TFEC: variants seen among roughly 807,000 people sequenced by gnomAD.
The protein encoded by TFEC is class E basic helix-loop-helix protein 34.
TFEC carries 31 observed loss-of-function variants against 41.6 expected under a neutral mutation model. The ratio of observed to expected loss-of-function variants is 0.74; its 90% confidence interval spans 0.56 to 1.01. The LOEUF is 1.01. Ranked by LOEUF, TFEC falls within the 50% of genes least tolerant of loss-of-function variation. TFEC has a pLI of 0.00. For synonymous variants in TFEC, 143 were observed against 140.6 expected (o/e 1.02, Z -0.12); for missense variants, 402 against 404.1 (o/e 0.99, Z 0.04).
chr7:116,156,690 G>A (rs1462028609), intron 1 of TFEC, among the ~76,000 whole-genome samples: 1 of 152,098 alleles, frequency 6.6e-6, no homozygotes, highest in East Asian at 1.9e-4. Context: ...CTACAAATAT[G>A]CCATCTTCCA....
chr7:115,950,779 T>A, intron 6 of TFEC, 95 bp downstream of exon 6: 1 of 888,234 alleles, frequency 1.1e-6, no homozygotes, highest in East Asian at 2.7e-5. Flanking sequence ...CTGCTTAGTT[T>A]CCTAGTCATT....
chr7:115,998,402 A>C (rs1036482877), intron 1 of TFEC, among the ~76,000 whole-genome samples: 1 of 152,078 alleles, frequency 6.6e-6, no homozygotes, highest in Non-Finnish European at 1.5e-5. Flanking sequence ...AGACAGAAAT[A>C]AAGGAAAGAA....
At chr7:116,051,457 A>G (rs1796310750) in intron 3 of TFEC, among the ~76,000 whole-genome samples, 1 of 152,204 alleles carries the variant, frequency 6.6e-6, no homozygotes, top group African/African-American at 2.4e-5. Context: ...TCTTAGCACT[A>G]CACTACACCA....
At chr7:115,947,184 T>A (rs1791636228) in intron 6 of TFEC, among the ~76,000 whole-genome samples, 1 of 150,398 alleles carries the variant, frequency 6.6e-6, no homozygotes, top group Non-Finnish European at 1.5e-5. Flanking sequence ...GATTTTTTGT[T>A]CTTGTGATAG....
chr7:116,105,332 G>A (rs1304004871), intron 3 of TFEC, among the ~76,000 whole-genome samples: 5 of 152,158 alleles, frequency 3.3e-5, no homozygotes, highest in Admixed American at 1.3e-4. Flanking sequence ...TTTAATAAAA[G>A]TAAATGTTAA....
At position 116,052,046 on chromosome 7, in the gene TFEC, C is replaced by A. The variant is rs531853448; in HGVS notation, c.198+58662G>T. On this transcript the variant is annotated intron_variant, in intron 3 of 8. Transcript: ENST00000484212. ...AGAAATCAGAAGCATGGTTTTTAAA[C>A]GTTTTAACTTTGAGGTGCCTACTAG... Among the ~76,000 whole-genome samples, 3 of 150,804 alleles carry A rather than the reference C, an allele frequency of 2.0e-5. No homozygotes were observed. In the Admixed American group the frequency reaches 2.0e-4, roughly 10 times the overall value.
intron 3 of TFEC, among the ~76,000 whole-genome samples, chr7:116,040,558 G>C (rs948278438): frequency 1.3e-5 from 2 of 151,982 alleles, no homozygotes; most frequent in African/African-American, 4.8e-5. Flanking sequence ...AGCATTTTTA[G>C]TGCTCCATTT....
chr7:115,944,333 C>T (rs982200527), intron 6 of TFEC, among the ~76,000 whole-genome samples: 5 of 151,466 alleles, frequency 3.3e-5, no homozygotes, highest in African/African-American at 1.2e-4. Context: ...AGGACAACTA[C>T]TACATGTTGT....
intron 1 of TFEC, among the ~76,000 whole-genome samples, chr7:116,142,146 T>C (rs1035353189): frequency 1.3e-5 from 2 of 152,144 alleles, no homozygotes; most frequent in Non-Finnish European, 2.9e-5. Flanking sequence ...CAATTTTCTA[T>C]GATGAAAAGA....
intron 1 of TFEC, among the ~76,000 whole-genome samples, chr7:116,132,803 G>C (rs1353214788): frequency 6.6e-6 from 1 of 152,188 alleles, no homozygotes; most frequent in Admixed American, 6.5e-5. Flanking sequence ...ATATTAGTTA[G>C]CTGGAAAAAA....
chr7:115,963,787 A>C (rs1792695455), intron 3 of TFEC, among the ~76,000 whole-genome samples: 1 of 151,740 alleles, frequency 6.6e-6, no homozygotes, highest in African/African-American at 2.4e-5. Context: ...CTATTGTTTA[A>C]TGAGTACAGA....
intron 3 of TFEC, among the ~76,000 whole-genome samples, chr7:115,970,125 CA>C (rs1793066823): frequency 6.6e-6 from 1 of 151,694 alleles, no homozygotes; most frequent in Non-Finnish European, 1.5e-5. Flanking sequence ...AAAAGAGGAC[CA>C]AAGACTGAGC....
chr7:116,072,760 GCA>G (rs1479596797), intron 3 of TFEC, among the ~76,000 whole-genome samples: 1 of 151,428 alleles, frequency 6.6e-6, no homozygotes, highest in African/African-American at 2.4e-5. Context: ...ACAAAATATA[GCA>G]CACTCTTATG....
chr7:116,023,347 A>C (rs1417075038), intron 1 of TFEC, among the ~76,000 whole-genome samples: 1 of 152,236 alleles, frequency 6.6e-6, no homozygotes, highest in East Asian at 1.9e-4. Context: ...AAGACTGATT[A>C]ATTCAGCAAA....
intron 6 of TFEC, among the ~76,000 whole-genome samples, chr7:115,947,223 A>G (rs1477092203): frequency 6.6e-6 from 1 of 151,310 alleles, no homozygotes; most frequent in Non-Finnish European, 1.5e-5. Context: ...TTCCAATTTC[A>G]TCCATGTCCT....
intron 1 of TFEC, among the ~76,000 whole-genome samples, chr7:116,121,651 G>T (rs537746176): frequency 4.6e-5 from 7 of 152,108 alleles, no homozygotes; most frequent in African/African-American, 1.7e-4. Flanking sequence ...ATATTGACTT[G>T]CTATCCAGAA....
At chr7:116,030,299 A>G (rs1025215185) in intron 1 of TFEC, among the ~76,000 whole-genome samples, 2 of 152,210 alleles carry the variant, frequency 1.3e-5, no homozygotes, top group African/African-American at 4.8e-5. Context: ...AATAACATAT[A>G]TAAGAGGCAA....
chr7:116,100,493 A>G (rs1268145777), intron 3 of TFEC, among the ~76,000 whole-genome samples: 2 of 152,128 alleles, frequency 1.3e-5, no homozygotes, highest in African/African-American at 4.8e-5. Context: ...TTAGGGCATA[A>G]TTTGGTTACC....
chr7:116,056,518 C>T (rs529879018), intron 3 of TFEC, among the ~76,000 whole-genome samples: 1 of 152,204 alleles, frequency 6.6e-6, no homozygotes, highest in African/African-American at 2.4e-5. Flanking sequence ...TCACACCAGG[C>T]CAAGAATGGT....
Sources: gnomAD v4.1 joint callset for allele counts (sites outside exome capture counted in the v4.1 genomes callset) on GRCh38, gnomAD v4.1.1 for gene constraint, MANE v1.5 for transcripts, NCBI Gene and HGNC (gene_info 2026-07-23, HGNC 2026-07-21) for gene names.